DNAH5: variants seen among roughly 807,000 people sequenced by gnomAD.
The protein encoded by DNAH5 is dynein axonemal heavy chain 5, also known as axonemal beta dynein heavy chain 5.
In DNAH5, 372 loss-of-function variants were observed where a neutral mutation model predicts 518.2. The ratio of observed to expected loss-of-function variants is 0.72; its 90% CI spans 0.66 to 0.78. The LOEUF is 0.78. Ranked by LOEUF, DNAH5 falls within the 30% of genes least tolerant of loss-of-function variation. The pLI, the probability that DNAH5 is intolerant of heterozygous loss-of-function variation, is 0.00. For missense variants in DNAH5, 5,523 were observed against 5,687.0 expected (o/e 0.97, Z 0.93); for synonymous variants, 2,039 against 2,025.9 (o/e 1.01, Z -0.17).
rs778257130 is a variant in DNAH5 at position 13,810,192 on chromosome 5, C to A, written c.7476G>T (p.Ala2492=). 122 of 1,549,530 alleles carry A rather than the reference C, an allele frequency of 7.9e-5. 1 individual carries two copies. The highest frequency in any genetic ancestry group is 3.3e-4 in the Middle Eastern group (2 of 5,994). ...RLFVFALLWS[A]GAALELDGRR... The stretch of plus-strand genomic sequence containing the variant: ...GTCCGTCCAGCTCCAGCGCCGCCCC[C>A]GCGCTCCACAGCAGCGCGAACACGA... Residue 2492 remains alanine (A), a synonymous_variant, in exon 45 of 79, where the codon GCG becomes GCT. Coordinates refer to ENST00000265104, the MANE Select transcript of DNAH5 (RefSeq NM_001369.3).
At chr5:13,940,811 C>T (rs1779388487) in intron 1 of DNAH5, among the ~76,000 whole-genome samples, 1 of 152,162 alleles carries the variant, frequency 6.6e-6, no homozygotes, top group Non-Finnish European at 1.5e-5. Flanking sequence ...TTTCTCCTTA[C>T]TAGACTTGTG....
intron 1 of DNAH5, among the ~76,000 whole-genome samples, chr5:13,970,764 A>C (rs1173327394): frequency 6.6e-6 from 1 of 152,170 alleles, no homozygotes; most frequent in Non-Finnish European, 1.5e-5. Context: ...CTATGTGCCT[A>C]GGTGATGACC....
Position 13,770,831 on chromosome 5 carries a change from G to T in DNAH5, c.9523C>A (p.Pro3175Thr). ...QRFRRSTHVTPKSYLSFIQGY... is the reference protein window; with the variant it reads ...QRFRRSTHVTTKSYLSFIQGY... ...TGAATAAAGGAGAGGTATGATTTGG[G>T]CGTCACGTGGGTAGAACGTCGGAAT... Residue 3175 changes from proline (P) to threonine (T), a missense_variant, in exon 56 of 79, where the codon CCC becomes ACC. By Grantham distance (38) the Pro-to-Thr change is conservative. Transcript: ENST00000265104. 6.2e-7 allele frequency: 1 copy of T among 1,614,000 alleles called. No homozygotes were observed. Among genetic ancestry groups the T allele is most frequent in the Non-Finnish European group, 8.5e-7 (1 of 1,179,980 alleles).
intron 1 of DNAH5, among the ~76,000 whole-genome samples, chr5:13,999,818 C>T (rs55806620): frequency 0.018 from 2,789 of 152,312 alleles, 89 homozygotes; most frequent in African/African-American, 0.064. Context: ...CAACAGCATG[C>T]AAGGGCTCCA....
intron 27 of DNAH5, among the ~76,000 whole-genome samples, 164 bp from the exon 28 acceptor site, chr5:13,864,801 C>A: frequency 6.6e-6 from 1 of 152,210 alleles, no homozygotes; most frequent in East Asian, 1.9e-4. Context: ...ATACAGATGA[C>A]TTTTATATTA....
intron 15 of DNAH5, among the ~76,000 whole-genome samples, chr5:13,896,945 G>A (rs1312570162): frequency 1.4e-5 from 2 of 139,308 alleles, no homozygotes; most frequent in Admixed American, 7.3e-5. Context: ...TTTCCAAACT[G>A]TTTTGCCTAG....
chr5:13,922,044 A>G, intron 5 of DNAH5, 63 bp downstream of exon 5: 1 of 1,537,570 alleles, frequency 6.5e-7, no homozygotes, highest in South Asian at 1.1e-5. Context: ...AGCATTACAC[A>G]CTTATGTACT....
At chr5:13,899,521 C>T (rs1774310501) in intron 15 of DNAH5, 1 of 152,412 alleles carries the variant, frequency 6.6e-6, no homozygotes. Flanking sequence ...AACACTGCCA[C>T]TTGGCTGTCT....
chr5:13,742,452 A>T (rs1490423302), intron 65 of DNAH5, among the ~76,000 whole-genome samples: 1 of 152,082 alleles, frequency 6.6e-6, no homozygotes, highest in Non-Finnish European at 1.5e-5. Context: ...AAGGTCCAAA[A>T]ATTCTCAATA....
intron 1 of DNAH5, among the ~76,000 whole-genome samples, chr5:14,008,928 C>A (rs1342566262): frequency 6.6e-6 from 1 of 152,220 alleles, no homozygotes; most frequent in Non-Finnish European, 1.5e-5. Context: ...ATGCATCGGG[C>A]CTGGCCATGG....
intron 1 of DNAH5, among the ~76,000 whole-genome samples, chr5:13,997,109 G>T (rs1460234401): frequency 6.6e-6 from 1 of 152,072 alleles, no homozygotes; most frequent in Non-Finnish European, 1.5e-5. Context: ...TCTTTTGGAG[G>T]GGTGGCCCTA....
chr5:13,950,256 G>C (rs2152035619), intron 1 of DNAH5, among the ~76,000 whole-genome samples: 1 of 151,614 alleles, frequency 6.6e-6, no homozygotes, highest in East Asian at 1.9e-4. Flanking sequence ...CCCATATTTT[G>C]AACAAATTTT....
chr5:13,903,078 T>C (rs896377294), intron 12 of DNAH5, among the ~76,000 whole-genome samples: 1 of 152,136 alleles, frequency 6.6e-6, no homozygotes, highest in Non-Finnish European at 1.5e-5. Context: ...GAAATAAGTA[T>C]ATTTAAAGTG....
At chr5:13,904,199 GA>G (rs1038660486) in intron 12 of DNAH5, among the ~76,000 whole-genome samples, 28 of 150,742 alleles carry the variant, frequency 1.9e-4, no homozygotes, top group African/African-American at 4.8e-4. Context: ...AAAAGTCAAA[GA>G]AAAAAAGTTC....
At chr5:13,787,756 T>C (rs545218960) in intron 51 of DNAH5, among the ~76,000 whole-genome samples, 2 of 152,330 alleles carry the variant, frequency 1.3e-5, no homozygotes, top group Middle Eastern at 3.4e-3. Context: ...CTGATTAAAA[T>C]AAAATGTGTC....
At chr5:13,703,099 C>A (rs1481739793) in intron 76 of DNAH5, among the ~76,000 whole-genome samples, 2 of 152,136 alleles carry the variant, frequency 1.3e-5, no homozygotes, top group African/African-American at 4.8e-5. Flanking sequence ...TCCTCCACCT[C>A]ATTCTGGAAC....
intron 55 of DNAH5, among the ~76,000 whole-genome samples, chr5:13,776,001 G>A (rs1006024957): frequency 6.7e-5 from 10 of 148,774 alleles, no homozygotes; most frequent in Non-Finnish European, 8.9e-5. Flanking sequence ...CTAAATGTAC[G>A]CTCTCTAACC....
chr5:13,695,171 C>T (rs141881759), intron 78 of DNAH5, among the ~76,000 whole-genome samples: 7 of 152,294 alleles, frequency 4.6e-5, no homozygotes, highest in Admixed American at 1.3e-4. Context: ...CAATTTGTGG[C>T]ATATTTGAGA....
At chr5:13,916,909 T>C (rs973519065) in intron 8 of DNAH5, among the ~76,000 whole-genome samples, 22 of 152,128 alleles carry the variant, frequency 1.4e-4, no homozygotes, top group Admixed American at 1.4e-3. Context: ...AAATATAACA[T>C]CTCATATACA....
Sources: gnomAD v4.1 joint callset for allele counts (sites outside exome capture counted in the v4.1 genomes callset) on GRCh38, gnomAD v4.1.1 for gene constraint, MANE v1.5 for transcripts, NCBI Gene and HGNC (gene_info 2026-07-23, HGNC 2026-07-21) for gene names.